The following SNTG2 variants were observed in gnomAD, a reference collection of about 807,000 sequenced individuals.
SNTG2 encodes gamma-2-syntrophin.
In SNTG2, 74 loss-of-function variants were observed where a neutral mutation model predicts 70.9. That is an observed-to-expected ratio of 1.04 (90% CI 0.86 to 1.27). SNTG2 has a LOEUF of 1.27. SNTG2 is among the 50% of genes most tolerant of loss of function. The pLI, the probability that SNTG2 is intolerant of heterozygous loss-of-function variation, is 0.00. For synonymous variants in SNTG2, 278 were observed against 273.8 expected, an observed-to-expected ratio of 1.02 and a Z score of -0.15; for missense variants, 717 against 690.7, an observed-to-expected ratio of 1.04 and a Z score of -0.43.
chr2:1,264,887 T>C (rs1572889317), intron 13 of SNTG2, among the ~76,000 whole-genome samples: 2 of 152,350 alleles, frequency 1.3e-5, no homozygotes, highest in East Asian at 3.9e-4. Flanking sequence ...AAGAATGTAG[T>C]ATATTATACG....
rs1274946405 is a variant in SNTG2, at chr2:1,353,584, A to G, written c.1489-13759A>G. ...TTCACGGGGCCGTCAGTGACAGAGG[A>G]GTGGCCTGCGGTGAAAGGCAGCCTG... On this transcript the variant is annotated intron_variant, in intron 16 of 16. Coordinates refer to ENST00000308624, the MANE Select transcript of SNTG2 (RefSeq NM_018968.4). The surrounding 1 kb of genome is among the most constrained non-coding windows in gnomAD (Gnocchi z 4.2). 6.6e-6 allele frequency: 1 copy of G among 152,206 alleles called. No individual in the cohort carries two copies. Among genetic ancestry groups the G allele is most frequent in the African/African-American group, 2.4e-5 (1 of 41,436 alleles). 9.4% of individuals were successfully genotyped at this position (152,206 alleles called of 1,614,324 possible).
chr2:1,300,764 T>C (rs1463807249), intron 14 of SNTG2, among the ~76,000 whole-genome samples: 1 of 152,178 alleles, frequency 6.6e-6, no homozygotes, highest in African/African-American at 2.4e-5. Flanking sequence ...AGCGTGAATT[T>C]TTAATATATT....
At position 1,083,518 on chromosome 2, in the gene SNTG2, A is replaced by G; in HGVS notation, c.73A>G (p.Thr25Ala). The G allele has an allele frequency of 3.1e-6, 5 of 1,613,528 alleles. No individual in the cohort carries two copies. Among genetic ancestry groups the G allele is most frequent in the Non-Finnish European group, 4.2e-6 (5 of 1,179,644 alleles). Residue 25 changes from threonine to alanine, a missense_variant and splice_region_variant, in exon 2 of 17, where the codon ACG becomes GCG. By Grantham distance (58) the Thr-to-Ala change is moderately conservative. Coordinates refer to ENST00000308624, the MANE Select transcript of SNTG2 (RefSeq NM_018968.4). The part of the protein sequence containing the change: ...RQGCLLVPAR[T>A]KTTIALLYDE... ...TTGTGTTTCCACTTTGTCCCTACAG[A>G]CGAAAACCACTATTGCTCTGTTGTA...
chr2:1,353,849 T>C lies in SNTG2; in HGVS notation c.1489-13494T>C, dbSNP rs968845243. 1 of 152,130 alleles carries C rather than the reference T, an allele frequency of 6.6e-6. No homozygotes were observed. Among genetic ancestry groups the C allele is most frequent in the African/African-American group, 2.4e-5 (1 of 41,410 alleles). The allele number at this position is 152,130 out of a possible 1,614,324, so 9.4% of individuals were successfully genotyped here. The stretch of plus-strand genomic sequence containing the variant: ...AGGTGTGATTTCCACTGGAGGAGAT[T>C]GATTGAGGACATTTGGTAATATTAG... On this transcript the variant is annotated intron_variant, in intron 16 of 16. Transcript: ENST00000308624. The surrounding 1 kb of genome is among the most constrained non-coding windows in gnomAD (Gnocchi z 4.2).
intron 7 of SNTG2, among the ~76,000 whole-genome samples, chr2:1,169,963 A>G (rs1460808991): frequency 7.3e-6 from 1 of 137,130 alleles, no homozygotes; most frequent in Non-Finnish European, 1.6e-5. Context: ...ATCTCTCTAT[A>G]AATTCAGGCG....
At chr2:1,092,782 G>A (rs767207118) in intron 2 of SNTG2, among the ~76,000 whole-genome samples, 24 of 152,234 alleles carry the variant, frequency 1.6e-4, no homozygotes, top group South Asian at 4.1e-4. Context: ...AAAATAGCTC[G>A]TTCTTAAAAT....
intron 4 of SNTG2, among the ~76,000 whole-genome samples, chr2:1,119,008 G>T (rs894323070): frequency 6.6e-6 from 1 of 152,056 alleles, no homozygotes; most frequent in African/African-American, 2.4e-5. Flanking sequence ...GGCAAAAAAA[G>T]GATAATTTTA....
At chr2:1,295,592 C>T (rs1240715890) in intron 14 of SNTG2, among the ~76,000 whole-genome samples, 4 of 152,332 alleles carry the variant, frequency 2.6e-5, no homozygotes, top group East Asian at 3.9e-4. Flanking sequence ...GAGGGGCAGG[C>T]AGGTGTCACC....
intron 1 of SNTG2, among the ~76,000 whole-genome samples, chr2:978,280 T>C (rs1373301705): frequency 6.6e-6 from 1 of 152,202 alleles, no homozygotes; most frequent in Non-Finnish European, 1.5e-5. Context: ...TAGCTCAGTA[T>C]ACGTGGAAAA....
At chr2:1,192,577 G>A (rs1673351753) in intron 8 of SNTG2, among the ~76,000 whole-genome samples, 1 of 151,856 alleles carries the variant, frequency 6.6e-6, no homozygotes, top group Non-Finnish European at 1.5e-5. Flanking sequence ...TAGAATTAAA[G>A]CAAGGCTCCA....
intron 1 of SNTG2, among the ~76,000 whole-genome samples, chr2:1,012,180 G>A (rs1445318391): frequency 2.6e-5 from 4 of 152,224 alleles, no homozygotes; most frequent in South Asian, 2.1e-4. Flanking sequence ...TGGAGAAGCC[G>A]TAACAACACT....
chr2:984,365 G>A (rs879410193), intron 1 of SNTG2, among the ~76,000 whole-genome samples: 81 of 151,590 alleles, frequency 5.3e-4, no homozygotes, highest in Admixed American at 2.0e-4. Context: ...TGGGAAGTGC[G>A]TGTTTCTTCT....
chr2:1,131,459 T>C (rs1668008514), intron 4 of SNTG2, among the ~76,000 whole-genome samples: 1 of 152,142 alleles, frequency 6.6e-6, no homozygotes, highest in Non-Finnish European at 1.5e-5. Context: ...AGATTATGTA[T>C]TTTAGTGATA....
Position 1,212,063 on chromosome 2 carries a change from C to T in SNTG2, c.719+2833C>T, listed in dbSNP as rs1458291245. Among the ~76,000 whole-genome samples, 4 of 152,278 alleles carry T rather than the reference C, an allele frequency of 2.6e-5. No homozygotes were observed. In the East Asian group the frequency reaches 7.7e-4, roughly 29 times the overall value. On this transcript the variant is annotated intron_variant, in intron 9 of 16. Coordinates refer to ENST00000308624, the MANE Select transcript of SNTG2 (RefSeq NM_018968.4). Reference sequence around the variant, plus strand: ...TGTTTCTGTTACAAAAGCTATCACACACTGATTTGGTTTGGATCTGTGTCC... The same window carrying T: ...TGTTTCTGTTACAAAAGCTATCACATACTGATTTGGTTTGGATCTGTGTCC...
chr2:1,220,294 C>A (rs932621965), intron 9 of SNTG2, among the ~76,000 whole-genome samples: 1 of 152,220 alleles, frequency 6.6e-6, no homozygotes, highest in African/African-American at 2.4e-5. Flanking sequence ...GCCGTCAGAG[C>A]GTGGGCTGTG....
At position 951,199 on chromosome 2, in the gene SNTG2, C is replaced by T. The variant is rs993843369; in HGVS notation, c.72+131C>T. The T allele has an allele frequency of 6.8e-6, 3 of 441,774 alleles. No individual in the cohort carries two copies. In the South Asian group the frequency reaches 3.4e-4, roughly 50 times the overall value. 27.4% of individuals were successfully genotyped at this position (441,774 alleles called of 1,614,324 possible). A position where few individuals can be genotyped will look rare whatever the true frequency, so the allele number is the denominator to read the frequency against. On this transcript the variant is annotated intron_variant, in intron 1 of 16. Coordinates refer to ENST00000308624, the MANE Select transcript of SNTG2 (RefSeq NM_018968.4). Reference sequence around the variant, plus strand: ...ACCCCTTCCCTGTCTCCGGGGACGGCTGGCCGGAGGGTGGGCGCCGGAGCC... The same window carrying T: ...ACCCCTTCCCTGTCTCCGGGGACGGTTGGCCGGAGGGTGGGCGCCGGAGCC...
intron 7 of SNTG2, among the ~76,000 whole-genome samples, chr2:1,172,035 G>A (rs1440058495): frequency 6.6e-6 from 1 of 152,188 alleles, no homozygotes; most frequent in Non-Finnish European, 1.5e-5. Context: ...CAAATGCATG[G>A]AGTTGTGTCC....
At chr2:1,331,524 C>G (rs1268377636) in intron 16 of SNTG2, among the ~76,000 whole-genome samples, 2 of 152,120 alleles carry the variant, frequency 1.3e-5, no homozygotes, top group African/African-American at 4.8e-5. Context: ...CTTTCCTTGC[C>G]TGGTAATCTT....
intron 1 of SNTG2, among the ~76,000 whole-genome samples, chr2:963,174 A>T (rs1660410938): frequency 6.6e-6 from 1 of 152,128 alleles, no homozygotes; most frequent in South Asian, 2.1e-4. Flanking sequence ...ATTAACATTA[A>T]CATCATTAAC....
Sources: allele counts gnomAD v4.1 joint callset (sites outside exome capture counted in the v4.1 genomes callset), GRCh38; gene constraint gnomAD v4.1.1; non-coding constraint Gnocchi (gnomAD v3.1); transcripts MANE v1.5; gene names NCBI Gene and HGNC (gene_info 2026-07-23, HGNC 2026-07-21).